The following ATF7 variants were observed in gnomAD, a reference collection of about 807,000 sequenced individuals.
ATF7 encodes cyclic AMP-dependent transcription factor ATF-7.
ATF7 carries 10 observed loss-of-function variants against 50.4 expected under a neutral mutation model. That is an observed-to-expected ratio of 0.20 (90% CI 0.12 to 0.34). The LOEUF is 0.34. ATF7 is among the 10% of genes least tolerant of loss of function. The pLI is 1.00. For missense variants in ATF7, 465 were observed against 613.9 expected, an observed-to-expected ratio of 0.76 and a Z score of 2.56; for synonymous variants, 201 against 226.4, an observed-to-expected ratio of 0.89 and a Z score of 1.01.
chr12:53,557,555 A>G (rs948977955), intron 2 of ATF7, among the ~76,000 whole-genome samples: 1 of 152,280 alleles, frequency 6.6e-6, no homozygotes, highest in East Asian at 1.9e-4. Context: ...GGCATTACCT[A>G]TGTCTAAGGT....
chr12:53,621,204 T>C (rs1022564386), intron 1 of ATF7, among the ~76,000 whole-genome samples: 1 of 152,210 alleles, frequency 6.6e-6, no homozygotes, highest in Non-Finnish European at 1.5e-5. Context: ...AAAGGTTAGA[T>C]TATATAAAAT....
intron 4 of ATF7, among the ~76,000 whole-genome samples, chr12:53,541,778 G>T (rs1386370382): frequency 6.6e-6 from 1 of 151,972 alleles, no homozygotes; most frequent in Non-Finnish European, 1.5e-5. Context: ...CTTGAAGATC[G>T]CAATTTGTTC....
chr12:53,554,276 G>A (rs1017422406), intron 2 of ATF7, among the ~76,000 whole-genome samples: 1 of 151,942 alleles, frequency 6.6e-6, no homozygotes, highest in Non-Finnish European at 1.5e-5. Context: ...GACTACAGGC[G>A]CATGCCACCA....
chr12:53,587,843 A>ATATATATATATATATATAT, intron 2 of ATF7, among the ~76,000 whole-genome samples: 49 of 61,558 alleles, frequency 8.0e-4, no homozygotes, highest in Admixed American at 1.6e-3. Context: ...ATATATATAT[A>ATATATATATATATATATAT]TTTTTTTTTT....
At chr12:53,578,783 CAAAA>C (rs10718181) in intron 2 of ATF7, among the ~76,000 whole-genome samples, 7 of 106,652 alleles carry the variant, frequency 6.6e-5, no homozygotes, top group South Asian at 3.2e-4. Flanking sequence ...GATGCTGTCT[CAAAA>C]AAAAAAAAAA....
chr12:53,600,896 A>G, intron 2 of ATF7, 57 bp downstream of exon 2: 1 of 1,564,644 alleles, frequency 6.4e-7, no homozygotes, highest in Non-Finnish European at 8.8e-7. Flanking sequence ...CTTAGTGATA[A>G]AACAGCCACT....
intron 5 of ATF7, 21 bp from the exon 6 acceptor site, chr12:53,534,680 G>A: frequency 6.2e-7 from 1 of 1,606,128 alleles, no homozygotes; most frequent in Non-Finnish European, 8.5e-7. Context: ...GAAACCAACA[G>A]ATCACAAAAT....
intron 1 of ATF7, among the ~76,000 whole-genome samples, chr12:53,609,510 T>G (rs930106551): frequency 6.6e-6 from 1 of 151,012 alleles, no homozygotes; most frequent in African/African-American, 2.4e-5. Context: ...CAGTGGTGTG[T>G]GCCTGTAGTT....
intron 1 of ATF7, among the ~76,000 whole-genome samples, chr12:53,615,414 A>C (rs1270703463): frequency 6.6e-6 from 1 of 152,094 alleles, no homozygotes; most frequent in Non-Finnish European, 1.5e-5. Flanking sequence ...AAAAAAGAAA[A>C]TGCTGCTACA....
At chr12:53,600,918 C>T (rs747828606) in intron 2 of ATF7, 35 bp downstream of exon 2, 8 of 1,605,728 alleles carry the variant, frequency 5.0e-6, no homozygotes, top group East Asian at 2.2e-5. Context: ...TGATTCACAA[C>T]GAGACATTCA....
At chr12:53,586,280 C>T (rs186666922) in intron 2 of ATF7, among the ~76,000 whole-genome samples, 168 of 152,198 alleles carry the variant, frequency 1.1e-3, no homozygotes, top group Middle Eastern at 6.8e-3. Flanking sequence ...CCTCACAATA[C>T]GTACAACCTA....
intron 7 of ATF7, 103 bp from the exon 8 acceptor site, chr12:53,532,726 G>A (rs1592803079): frequency 3.7e-6 from 3 of 807,110 alleles, no homozygotes; most frequent in East Asian, 2.7e-5. Flanking sequence ...TGGCACATCA[G>A]GGCCTGTTGT....
intron 2 of ATF7, among the ~76,000 whole-genome samples, chr12:53,594,796 G>A (rs1222172992): frequency 4.0e-5 from 6 of 151,664 alleles, no homozygotes; most frequent in African/African-American, 1.2e-4. Context: ...ACTGAGGCAG[G>A]AGAATCGCTT....
At chr12:53,572,888 C>T (rs566863489) in intron 2 of ATF7, among the ~76,000 whole-genome samples, 2 of 151,598 alleles carry the variant, frequency 1.3e-5, no homozygotes, top group East Asian at 3.9e-4. Context: ...TGGGTTCAAG[C>T]AATTCTTGTG....
chr12:53,579,160 C>T (rs2137683380), intron 2 of ATF7, among the ~76,000 whole-genome samples: 1 of 152,102 alleles, frequency 6.6e-6, no homozygotes, highest in South Asian at 2.1e-4. Context: ...ACAAGAATCA[C>T]TTGAACCTGG....
chr12:53,565,996 T>C (rs751519864), intron 2 of ATF7, among the ~76,000 whole-genome samples: 34 of 152,126 alleles, frequency 2.2e-4, no homozygotes, highest in African/African-American at 7.2e-4. Context: ...ACATCTTACA[T>C]GGCAGTAGGC....
At chr12:53,542,105 C>CTGTTTTTTTTTTTTTTTTTTTA (rs1939589944) in intron 4 of ATF7, among the ~76,000 whole-genome samples, 1 of 81,872 alleles carries the variant, frequency 1.2e-5, no homozygotes, top group African/African-American at 4.5e-5. Context: ...TGCGCCTGGC[C>CTGTTTTTTTTTTTTTTTTTTTA]TGTTTTTTTT....
In ATF7 at chr12:53,560,173, T is replaced by C. The variant is rs542355496; in HGVS notation, c.49-7536A>G. 5.9e-5 allele frequency among the ~76,000 whole-genome samples: 9 copies of C among 152,166 alleles called. No homozygotes were observed. The South Asian group carries it at 1.9e-3, about 32-fold the overall frequency. On this transcript the variant is annotated intron_variant, in intron 2 of 11. Transcript: ENST00000420353. ...TCCTGACCTCATGATCCACCCGCCT[T>C]GGCCTCCTAAAGTGCTGGGATTACA...
chr12:53,593,347 T>A (rs918748612), intron 2 of ATF7, among the ~76,000 whole-genome samples: 3 of 152,036 alleles, frequency 2.0e-5, no homozygotes, highest in Non-Finnish European at 2.9e-5. Flanking sequence ...TGAGTTATGA[T>A]TGCACCACTG....
Sources: gnomAD v4.1 joint callset for allele counts (sites outside exome capture counted in the v4.1 genomes callset) on GRCh38, gnomAD v4.1.1 for gene constraint, MANE v1.5 for transcripts, NCBI Gene and HGNC (gene_info 2026-07-23, HGNC 2026-07-21) for gene names.